Variants in CSMD1 observed in about 807,000 individuals in gnomAD.
The protein encoded by CSMD1 is CUB and Sushi multiple domains 1.
Under a neutral mutation model 417.5 loss-of-function variants are expected in CSMD1, and 213 were observed. That is an observed-to-expected ratio of 0.51 (90% confidence interval 0.46 to 0.57). The LOEUF (loss-of-function observed/expected upper bound fraction) is 0.57, where lower values mean the gene tolerates loss of function less well. Among genes scored for constraint, CSMD1 ranks in the 20% least tolerant of loss-of-function variants. CSMD1 has a pLI of 0.00. For synonymous variants in CSMD1, 2,862 were observed against 1,736.8 expected (o/e 1.65, Z -16.11); for missense variants, 6,923 against 4,529.7 (o/e 1.53, Z -15.17).
intron 3 of CSMD1, among the ~76,000 whole-genome samples, chr8:4,046,174 ATATGTG>A (rs1798136315): frequency 6.6e-6 from 1 of 152,110 alleles, no homozygotes; most frequent in Admixed American, 6.6e-5. Context: ...CACACAATTT[ATATGTG>A]TATGTGTGCG....
At chr8:4,712,342 C>T (rs538518897) in intron 1 of CSMD1, among the ~76,000 whole-genome samples, 2 of 152,130 alleles carry the variant, frequency 1.3e-5, no homozygotes, top group African/African-American at 2.4e-5. Context: ...ATTTCCAGAA[C>T]GGAAAACCCT....
rs374714751 is a variant in CSMD1 at position 4,794,589 on chromosome 8, C to G, written c.86-157031G>C. 1.5e-3 allele frequency among the ~76,000 whole-genome samples: 227 copies of G among 152,266 alleles called. 1 individual carries two copies. The highest frequency in any genetic ancestry group is 5.3e-3 in the African/African-American group (222 of 41,550). Reference sequence around the variant, plus strand: ...GAGAGATTCTTCCCCTTCTCTCACCCCTCACACGCCTCTGGGCTGCAAGGC... The same window carrying G: ...GAGAGATTCTTCCCCTTCTCTCACCGCTCACACGCCTCTGGGCTGCAAGGC... On this transcript the variant is annotated intron_variant, in intron 1 of 69. Transcript: ENST00000635120.
At chr8:3,773,723 T>C (rs1169585481) in intron 5 of CSMD1, among the ~76,000 whole-genome samples, 1 of 152,188 alleles carries the variant, frequency 6.6e-6, no homozygotes, top group East Asian at 1.9e-4. Context: ...AAATTGATGA[T>C]GAGGAGGGCA....
At chr8:4,915,971 C>T (rs1020991163) in intron 1 of CSMD1, among the ~76,000 whole-genome samples, 1 of 152,136 alleles carries the variant, frequency 6.6e-6, no homozygotes, top group Non-Finnish European at 1.5e-5. Flanking sequence ...TCTTCTCTTC[C>T]GCTAGTTCCC....
intron 5 of CSMD1, among the ~76,000 whole-genome samples, chr8:3,892,038 A>G (rs1326633163): frequency 6.6e-6 from 1 of 152,174 alleles, no homozygotes; most frequent in Non-Finnish European, 1.5e-5. Context: ...AAAAAAAAAA[A>G]ATTAAGGAAA....
At position 3,766,420 on chromosome 8, in the gene CSMD1, G is replaced by C. The variant is rs980109442; in HGVS notation, c.819-12378C>G. 5.9e-5 allele frequency among the ~76,000 whole-genome samples: 9 copies of C among 152,302 alleles called. No homozygotes were observed. In the East Asian group the frequency reaches 1.7e-3, roughly 29 times the overall value. ...TTTCTAACCCTTGGCTGTATCCAAT[G>C]TCCTGGTACCTGGGTTACTACTGTC... On this transcript the variant is annotated intron_variant, in intron 5 of 69. Coordinates refer to ENST00000635120, the MANE Select transcript of CSMD1 (RefSeq NM_033225.6).
chr8:3,370,114 C>T (rs537349323), intron 18 of CSMD1, among the ~76,000 whole-genome samples: 12 of 152,292 alleles, frequency 7.9e-5, no homozygotes, highest in East Asian at 1.9e-4. Flanking sequence ...GAGTTGCTAA[C>T]GGGAATTCAA....
rs1800886307 is a variant in CSMD1 at position 3,592,301 on chromosome 8, T to C, written c.1098-6041A>G. Among the ~76,000 whole-genome samples, 2 of 152,074 alleles carry C rather than the reference T, an allele frequency of 1.3e-5. 1 individual carries two copies. The highest frequency in any genetic ancestry group is 4.2e-4 in the South Asian group (2 of 4,788). On this transcript the variant is annotated intron_variant, in intron 8 of 69. Transcript: ENST00000635120. Reference sequence around the variant, plus strand: ...TGTTAAAAAGTCCACTTCAAACATATACTTCAGTACTCATAAATATAAAAG... The same window carrying C: ...TGTTAAAAAGTCCACTTCAAACATACACTTCAGTACTCATAAATATAAAAG...
At chr8:4,370,586 G>C (rs889324348) in intron 3 of CSMD1, among the ~76,000 whole-genome samples, 9 of 152,152 alleles carry the variant, frequency 5.9e-5, no homozygotes, top group South Asian at 2.1e-4. Context: ...AGTTGTGTTT[G>C]GTCTCTTTGC....
chr8:3,804,835 A>G (rs1380023700), intron 5 of CSMD1, among the ~76,000 whole-genome samples: 1 of 152,218 alleles, frequency 6.6e-6, no homozygotes, highest in African/African-American at 2.4e-5. Context: ...AACACATCAT[A>G]AAGAAAGGGT....
chr8:3,910,955 C>T (rs963577637), intron 5 of CSMD1, among the ~76,000 whole-genome samples: 2 of 152,214 alleles, frequency 1.3e-5, no homozygotes, highest in South Asian at 4.1e-4. Flanking sequence ...ACCAGGAACG[C>T]TTTCTTGGGC....
intron 32 of CSMD1, among the ~76,000 whole-genome samples, chr8:3,201,281 G>A (rs561901724): frequency 2.0e-5 from 3 of 152,242 alleles, no homozygotes; most frequent in South Asian, 2.1e-4. Context: ...TTTATCTCCA[G>A]AAGGAAGGTT....
chr8:3,555,885 G>T (rs1230839238), intron 10 of CSMD1, among the ~76,000 whole-genome samples: 5 of 152,012 alleles, frequency 3.3e-5, no homozygotes, highest in African/African-American at 9.7e-5. Context: ...TACTGTTTAG[G>T]GTTCCAGAAG....
chr8:3,575,968 G>T lies in CSMD1; in HGVS notation c.1223-902C>A, dbSNP rs868119345. ...GCAGAAGAAACTAATTTCACAAGAA[G>T]AAATTAATGTAAGAGAACTTCTGCT... On this transcript the variant is annotated intron_variant, in intron 9 of 69. Transcript: ENST00000635120. Among the ~76,000 whole-genome samples the T allele has an allele frequency of 2.6e-5, 4 of 151,546 alleles. No individual in the cohort carries two copies. In the South Asian group the frequency reaches 8.3e-4, roughly 32 times the overall value.
At chr8:3,073,206 A>G (rs1283079600) in intron 49 of CSMD1, among the ~76,000 whole-genome samples, 2 of 152,234 alleles carry the variant, frequency 1.3e-5, no homozygotes, top group African/African-American at 4.8e-5. Flanking sequence ...TGTTATTTCA[A>G]TTAAAGCACT....
chr8:3,608,931 G>C (rs1310897611), intron 8 of CSMD1, among the ~76,000 whole-genome samples: 1 of 152,074 alleles, frequency 6.6e-6, no homozygotes, highest in Non-Finnish European at 1.5e-5. Flanking sequence ...GCAGGGCTTG[G>C]AATGCTGAGC....
At chr8:4,704,305 C>T (rs927658360) in intron 1 of CSMD1, among the ~76,000 whole-genome samples, 1 of 152,218 alleles carries the variant, frequency 6.6e-6, no homozygotes, top group Non-Finnish European at 1.5e-5. Context: ...ATATTTTATT[C>T]AGCATTGAGT....
At chr8:4,084,816 G>T (rs1372038382) in intron 3 of CSMD1, among the ~76,000 whole-genome samples, 1 of 147,922 alleles carries the variant, frequency 6.8e-6, no homozygotes, top group Non-Finnish European at 1.5e-5. Context: ...AAATTCCAGT[G>T]CCTCAAGACA....
chr8:3,502,173 G>C (rs1796629871), intron 10 of CSMD1, among the ~76,000 whole-genome samples: 1 of 145,482 alleles, frequency 6.9e-6, no homozygotes, highest in African/African-American at 2.4e-5. Flanking sequence ...GACCATACTG[G>C]CTAACGTGGT....
Sources: gnomAD v4.1 joint callset for allele counts (sites outside exome capture counted in the v4.1 genomes callset) on GRCh38, gnomAD v4.1.1 for gene constraint, MANE v1.5 for transcripts, NCBI Gene and HGNC (gene_info 2026-07-23, HGNC 2026-07-21) for gene names.